Variants in IRS2 observed in about 807,000 individuals in gnomAD.
IRS2 encodes insulin receptor substrate 2.
IRS2 carries 28 observed loss-of-function variants against 70.9 expected under a neutral mutation model. The observed-to-expected ratio is 0.39, with a 90% CI of 0.29 to 0.54. The LOEUF (loss-of-function observed/expected upper bound fraction) is 0.54, where lower values mean the gene tolerates loss of function less well. IRS2 is among the 20% of genes least tolerant of loss of function. IRS2 has a pLI of 0.59. For missense variants in IRS2, 2,081 were observed against 2,024.1 expected (o/e 1.03, Z -0.54); for synonymous variants, 1,217 against 981.9 (o/e 1.24, Z -4.48).
chr13:109,784,022 T>C lies in IRS2; in HGVS notation c.2032A>G (p.Met678Val). ...GSCRSDDYMP[M>V]SPASVSAPKQ... ...GGGGCGGACACGCTGGCGGGGCTCATGGGCATGTAGTCGTCGCTCCTGCAG... is the reference window on the plus strand; with the variant it reads ...GGGGCGGACACGCTGGCGGGGCTCACGGGCATGTAGTCGTCGCTCCTGCAG... Residue 678 changes from methionine (M) to valine (V), a missense_variant, in exon 1 of 2, where the codon ATG becomes GTG. Met to Val is a conservative substitution (Grantham distance 21). Transcript: ENST00000375856. The surrounding 1 kb of genome is among the most constrained non-coding windows in gnomAD (Gnocchi z 5.2). The C allele has an allele frequency of 6.5e-7, 1 of 1,538,254 alleles. No homozygotes were observed. The highest frequency in any genetic ancestry group is 8.7e-7 in the Non-Finnish European group (1 of 1,147,088).
intron 1 of IRS2, among the ~76,000 whole-genome samples, chr13:109,780,556 A>G (rs748088566): frequency 6.6e-6 from 1 of 152,224 alleles, no homozygotes. Flanking sequence ...CAGGGAGTTC[A>G]CCCCACAGCT....
At position 109,783,544 on chromosome 13, in the gene IRS2, T is replaced by C. The variant is rs1877795771; in HGVS notation, c.2510A>G (p.Glu837Gly). ...TGGCGTGGCCTGAGGCTCCAGACGC[T>C]CCTCCTCCAGGATGCGCCCCACGGG... is the stretch of plus-strand genomic sequence containing the variant. The part of the protein sequence containing the change: ...SSPVGRILEE[E>G]RLEPQATPGP... Residue 837 changes from glutamate to glycine, a missense_variant, in exon 1 of 2, where the codon GAG becomes GGG. Physicochemically the swap from Glu to Gly is moderately conservative, Grantham distance 98. Around this residue, in one of 4 missense-constraint regions of IRS2, gnomAD observed 1,615 missense variants for 1,459.5 expected, o/e 1.11. Transcript: ENST00000375856. The C allele has an allele frequency of 1.9e-6, 3 of 1,549,662 alleles. No homozygotes were observed. In the East Asian group the frequency reaches 7.3e-5, roughly 38 times the overall value.
chr13:109,756,316 A>G lies in IRS2; in HGVS notation c.4013-8T>C, dbSNP rs773306321. The G allele has an allele frequency of 1.2e-6, 2 of 1,611,894 alleles. No homozygotes were observed. The highest frequency in any genetic ancestry group is 4.5e-5 in the East Asian group (2 of 44,866). ...GCCAGACAGATCTTCACTCTGAAAA[A>G]GAAAGGAGGGAAGTTAGCAGAGACC... is the stretch of plus-strand genomic sequence containing the variant. On this transcript the variant is annotated splice_polypyrimidine_tract_variant and splice_region_variant and intron_variant, in intron 1 of 1. Transcript: ENST00000375856.
chr13:109,783,662 C>G lies in IRS2; in HGVS notation c.2392G>C (p.Val798Leu), dbSNP rs767024195. The change falls in exon 1 of 2, where the codon GTT (valine) becomes CTT (leucine). Residue 798 changes from valine to leucine, a missense_variant. By Grantham distance (32) the Val-to-Leu change is conservative. Transcript: ENST00000375856. Reference protein sequence around the residue: ...LHPGGEPLRGVPGCCYSSLPR... With the variant: ...LHPGGEPLRGLPGCCYSSLPR... ...AAGGAGCTGTAGCAGCAGCCGGGAA[C>G]GCCCCTGAGCGGCTCCCCGCCGGGG... The G allele has an allele frequency of 6.4e-7, 1 of 1,555,860 alleles. No homozygotes were observed. The highest frequency in any genetic ancestry group is 8.7e-7 in the Non-Finnish European group (1 of 1,149,678).
rs1268765471 is a variant in IRS2 at position 109,783,812 on chromosome 13, C to G, written c.2242G>C (p.Gly748Arg). 6.3e-7 allele frequency: 1 copy of G among 1,594,492 alleles called. No homozygotes were observed. Among genetic ancestry groups the G allele is most frequent in the South Asian group, 1.1e-5 (1 of 88,468 alleles). ...GCATGCTCCATGGACAGCTTGGAACCGCACCACATGCGCATGTACCCACTG... is the reference window on the plus strand; with the variant it reads ...GCATGCTCCATGGACAGCTTGGAACGGCACCACATGCGCATGTACCCACTG... ...EDSGYMRMWC[G>R]SKLSMEHADG... The change falls in exon 1 of 2, where the codon GGT becomes CGT. Residue 748 changes from glycine (G) to arginine (R), a missense_variant. By Grantham distance (125) the Gly-to-Arg change is moderately radical. Coordinates refer to ENST00000375856, the MANE Select transcript of IRS2 (RefSeq NM_003749.3).
chr13:109,772,840 C>T (rs947013927), intron 1 of IRS2, among the ~76,000 whole-genome samples: 5 of 151,756 alleles, frequency 3.3e-5, no homozygotes, highest in East Asian at 1.9e-4. Context: ...GGACTACAGG[C>T]GCCCGCCACC....
intron 1 of IRS2, among the ~76,000 whole-genome samples, chr13:109,770,532 G>A (rs958020553): frequency 1.3e-5 from 2 of 152,170 alleles, no homozygotes; most frequent in Admixed American, 1.3e-4. Flanking sequence ...ACATCTGAGT[G>A]GTCCCAGCTG....
chr13:109,756,607 A>G (rs1416654904), intron 1 of IRS2, among the ~76,000 whole-genome samples: 1 of 152,212 alleles, frequency 6.6e-6, no homozygotes, highest in African/African-American at 2.4e-5. Context: ...TCTGTCGAAC[A>G]AGATAGAAAA....
Position 109,779,481 on chromosome 13 carries a change from T to G in IRS2, c.4012+2561A>C, listed in dbSNP as rs559205640. 6.6e-5 allele frequency among the ~76,000 whole-genome samples: 10 copies of G among 152,374 alleles called. No individual in the cohort carries two copies. The South Asian group carries it at 2.1e-3, about 32-fold the overall frequency. Reference sequence around the variant, plus strand: ...GCATCCCAAACAAATTTCTAGTGCATGTATGAGTTAAATAAAAGTGGGTAT... The same window carrying G: ...GCATCCCAAACAAATTTCTAGTGCAGGTATGAGTTAAATAAAAGTGGGTAT... On this transcript the variant is annotated intron_variant, in intron 1 of 1. Coordinates refer to ENST00000375856, the MANE Select transcript of IRS2 (RefSeq NM_003749.3).
At chr13:109,777,650 G>A (rs933954237) in intron 1 of IRS2, among the ~76,000 whole-genome samples, 3 of 152,058 alleles carry the variant, frequency 2.0e-5, no homozygotes, top group African/African-American at 7.2e-5. Flanking sequence ...CAACCTCAGG[G>A]TTCTGTTTTT....
chr13:109,779,922 T>G (rs1223639480), intron 1 of IRS2, among the ~76,000 whole-genome samples: 3 of 152,160 alleles, frequency 2.0e-5, no homozygotes, highest in Admixed American at 2.0e-4. Context: ...CTAAATAAAC[T>G]TATCTCTTAG....
chr13:109,764,129 A>G (rs893337076), intron 1 of IRS2, among the ~76,000 whole-genome samples: 2 of 152,354 alleles, frequency 1.3e-5, no homozygotes, highest in African/African-American at 4.8e-5. Flanking sequence ...CTCTCTTTGC[A>G]GAGATCAAAG....
In IRS2 at chr13:109,753,999, G is replaced by T. The variant is rs1187187168; in HGVS notation, c.*2305C>A. 1.3e-5 allele frequency: 3 copies of T among 232,092 alleles called. No homozygotes were observed. The Admixed American group carries it at 1.7e-4, about 13-fold the overall frequency. The allele number at this position is 232,092 out of a possible 1,614,324, so 14.4% of individuals were successfully genotyped here. ...TATACAGCGTGTACAGTGGAAGACAGAGCAAGATAAGTTAAGTCTCTTGTC... is the reference window on the plus strand; with the variant it reads ...TATACAGCGTGTACAGTGGAAGACATAGCAAGATAAGTTAAGTCTCTTGTC... On this transcript the variant is annotated 3_prime_UTR_variant, in exon 2 of 2. Transcript: ENST00000375856.
At chr13:109,769,315 C>G (rs1472539566) in intron 1 of IRS2, among the ~76,000 whole-genome samples, 1 of 152,216 alleles carries the variant, frequency 6.6e-6, no homozygotes, top group Non-Finnish European at 1.5e-5. Context: ...CCCTCACACA[C>G]TGTGACATGT....
At chr13:109,777,057 C>T (rs910686515) in intron 1 of IRS2, among the ~76,000 whole-genome samples, 8 of 152,022 alleles carry the variant, frequency 5.3e-5, no homozygotes, top group African/African-American at 1.2e-4. Context: ...TGCTGTCATC[C>T]GTACTAGAGA....
At chr13:109,763,825 G>A (rs893224061) in intron 1 of IRS2, among the ~76,000 whole-genome samples, 2 of 152,166 alleles carry the variant, frequency 1.3e-5, no homozygotes, top group African/African-American at 2.4e-5. Context: ...GCCAAATTAA[G>A]AGAATGTAGA....
At chr13:109,764,952 G>T (rs1405662133) in intron 1 of IRS2, among the ~76,000 whole-genome samples, 2 of 152,232 alleles carry the variant, frequency 1.3e-5, no homozygotes, top group Non-Finnish European at 2.9e-5. Context: ...GAGTGCCTTT[G>T]CCTAGCTGCT....
intron 1 of IRS2, among the ~76,000 whole-genome samples, chr13:109,761,983 A>G (rs1877236644): frequency 6.6e-6 from 1 of 152,224 alleles, no homozygotes; most frequent in African/African-American, 2.4e-5. Context: ...AATCCTGCAC[A>G]TAAGACCTGG....
At chr13:109,778,421 G>C (rs7997595) in intron 1 of IRS2, among the ~76,000 whole-genome samples, 131,029 of 152,262 alleles carry the variant, frequency 0.86, 56,533 homozygotes, top group African/African-American at 0.91. Flanking sequence ...CACGAAAGCC[G>C]GTGTGTGTTT....
Sources: gnomAD v4.1 joint callset for allele counts (sites outside exome capture counted in the v4.1 genomes callset) on GRCh38, gnomAD v4.1.1 for gene constraint, gnomAD v4.1.1 regional missense constraint, Gnocchi (gnomAD v3.1) non-coding constraint, MANE v1.5 for transcripts, NCBI Gene and HGNC (gene_info 2026-07-23, HGNC 2026-07-21) for gene names.